The following FHIT variants were observed in gnomAD, a reference collection of about 807,000 sequenced individuals.
FHIT encodes bis(5'-adenosyl)-triphosphatase.
Under a neutral mutation model 17.9 loss-of-function variants are expected in FHIT, and 19 were observed. The ratio of observed to expected loss-of-function variants is 1.06; its 90% CI spans 0.74 to 1.56. The LOEUF is 1.56. FHIT is among the 40% of genes most tolerant of loss of function. FHIT has a pLI of 0.00. For missense variants in FHIT, 248 were observed against 189.2 expected (o/e 1.31, Z -1.82); for synonymous variants, 81 against 69.7 (o/e 1.16, Z -0.81).
intron 5 of FHIT, among the ~76,000 whole-genome samples, chr3:60,523,154 C>T (rs1203978181): frequency 1.2e-4 from 19 of 152,148 alleles, no homozygotes; most frequent in Non-Finnish European, 2.8e-4. Flanking sequence ...CCTCCCATAA[C>T]ACGTGGGAAT....
At chr3:60,055,313 C>T (rs1702037282) in intron 5 of FHIT, among the ~76,000 whole-genome samples, 1 of 152,026 alleles carries the variant, frequency 6.6e-6, no homozygotes, top group South Asian at 2.1e-4. Flanking sequence ...CCCATACTAC[C>T]ACACACATAA....
intron 7 of FHIT, among the ~76,000 whole-genome samples, chr3:60,005,950 A>C (rs2106649983): frequency 6.6e-6 from 1 of 152,270 alleles, no homozygotes; most frequent in African/African-American, 2.4e-5. Context: ...TCACTCCTTT[A>C]GGAAAGCAGC....
intron 3 of FHIT, among the ~76,000 whole-genome samples, chr3:60,946,463 A>G (rs937934192): frequency 3.3e-5 from 5 of 152,104 alleles, no homozygotes; most frequent in Non-Finnish European, 7.4e-5. Context: ...GGTACTTCCT[A>G]GATTGTGAAC....
At chr3:60,887,442 C>T (rs1291942680) in intron 3 of FHIT, among the ~76,000 whole-genome samples, 9 of 151,980 alleles carry the variant, frequency 5.9e-5, no homozygotes, top group Admixed American at 3.3e-4. Flanking sequence ...GTCAGGAGTT[C>T]GAGACCAGCC....
chr3:60,761,944 A>G (rs887486343), intron 4 of FHIT, among the ~76,000 whole-genome samples: 39 of 151,902 alleles, frequency 2.6e-4, no homozygotes, highest in Non-Finnish European at 5.9e-5. Flanking sequence ...AGTAATGCCC[A>G]GCAAATTTAT....
At chr3:60,198,290 T>C (rs1213731335) in intron 5 of FHIT, among the ~76,000 whole-genome samples, 1 of 152,166 alleles carries the variant, frequency 6.6e-6, no homozygotes, top group Non-Finnish European at 1.5e-5. Flanking sequence ...GTAAAATCTT[T>C]ACTAACCTAA....
intron 8 of FHIT, among the ~76,000 whole-genome samples, chr3:59,899,967 G>C (rs902871926): frequency 1.3e-5 from 2 of 152,214 alleles, no homozygotes; most frequent in Non-Finnish European, 2.9e-5. Context: ...GCCGGCCATA[G>C]GTAAACAAAT....
intron 5 of FHIT, among the ~76,000 whole-genome samples, chr3:60,529,345 T>C (rs2035686460): frequency 6.6e-6 from 1 of 152,040 alleles, no homozygotes; most frequent in Admixed American, 6.6e-5. Context: ...GAAAGCTACC[T>C]TGACTGTTGT....
At chr3:60,225,130 G>T (rs942734165) in intron 5 of FHIT, among the ~76,000 whole-genome samples, 1 of 152,070 alleles carries the variant, frequency 6.6e-6, no homozygotes, top group Non-Finnish European at 1.5e-5. Flanking sequence ...TTTTGTGTTC[G>T]TCTCTCTTAC....
At chr3:61,035,079 A>G (rs2033177751) in intron 3 of FHIT, among the ~76,000 whole-genome samples, 1 of 152,228 alleles carries the variant, frequency 6.6e-6, no homozygotes, top group Non-Finnish European at 1.5e-5. Context: ...TACATAAAAT[A>G]TCCAGAATAG....
intron 3 of FHIT, among the ~76,000 whole-genome samples, chr3:61,033,159 C>A (rs1334427394): frequency 1.3e-5 from 2 of 152,222 alleles, no homozygotes; most frequent in African/African-American, 4.8e-5. Context: ...CGCAGACACA[C>A]CCAGGAATAA....
chr3:60,266,798 A>G (rs949916626), intron 5 of FHIT, among the ~76,000 whole-genome samples: 1 of 152,120 alleles, frequency 6.6e-6, no homozygotes, highest in Non-Finnish European at 1.5e-5. Context: ...AAGTGCCAGA[A>G]TACCAGAAGT....
At chr3:60,780,446 C>G (rs1213555528) in intron 4 of FHIT, among the ~76,000 whole-genome samples, 1 of 152,144 alleles carries the variant, frequency 6.6e-6, no homozygotes, top group Non-Finnish European at 1.5e-5. Context: ...CTTTTGGCCT[C>G]CCTCTACGTG....
At chr3:60,374,527 T>C (rs532425427) in intron 5 of FHIT, among the ~76,000 whole-genome samples, 16 of 151,272 alleles carry the variant, frequency 1.1e-4, no homozygotes, top group Admixed American at 2.6e-4. Context: ...ACTAAAGGCA[T>C]GACTAGTAGG....
At chr3:60,990,131 C>G (rs1025316159) in intron 3 of FHIT, among the ~76,000 whole-genome samples, 4 of 152,160 alleles carry the variant, frequency 2.6e-5, no homozygotes. Flanking sequence ...ATGCAAGATT[C>G]TAAGAGCAAT....
intron 5 of FHIT, among the ~76,000 whole-genome samples, chr3:60,302,099 T>A (rs116779538): frequency 0.013 from 1,929 of 152,268 alleles, 16 homozygotes; most frequent in Non-Finnish European, 0.019. Flanking sequence ...AGGTTCCAAT[T>A]AGAAATTTAA....
chr3:60,874,165 T>C (rs1342370673), intron 3 of FHIT, among the ~76,000 whole-genome samples: 1 of 152,182 alleles, frequency 6.6e-6, no homozygotes, highest in South Asian at 2.1e-4. Context: ...CTAATGGTAA[T>C]ACCTACATTG....
At chr3:60,156,882 C>G (rs9862243) in intron 5 of FHIT, among the ~76,000 whole-genome samples, 1 of 152,042 alleles carries the variant, frequency 6.6e-6, no homozygotes, top group African/African-American at 2.4e-5. Flanking sequence ...AATGCTGGGT[C>G]TTAATCAATG....
intron 5 of FHIT, among the ~76,000 whole-genome samples, chr3:60,214,300 A>G (rs935938113): frequency 1.3e-5 from 2 of 152,202 alleles, no homozygotes; most frequent in African/African-American, 4.8e-5. Context: ...ACTTGCTGTC[A>G]TTTAAATTTC....
Sources: allele counts gnomAD v4.1 joint callset (sites outside exome capture counted in the v4.1 genomes callset), GRCh38; gene constraint gnomAD v4.1.1; transcripts MANE v1.5; gene names NCBI Gene and HGNC (gene_info 2026-07-23, HGNC 2026-07-21).